The following LYG2 variants were observed in gnomAD, a reference collection of about 807,000 sequenced individuals.
LYG2 encodes the protein lysozyme g-like protein 2.
In LYG2, 25 loss-of-function variants were observed where a neutral mutation model predicts 22.4. The observed-to-expected ratio is 1.12, with a 90% CI of 0.81 to 1.56. LYG2 has a LOEUF of 1.56. LYG2 is among the 40% of genes most tolerant of loss of function. LYG2 has a pLI of 0.00. For synonymous variants in LYG2, 88 were observed against 97.0 expected, an observed-to-expected ratio of 0.91 and a Z score of 0.55; for missense variants, 266 against 269.5, an observed-to-expected ratio of 0.99 and a Z score of 0.09.
chr2:99,256,275 C>T (rs1032426167), upstream of LYG2, among the ~76,000 whole-genome samples: 4 of 152,180 alleles, frequency 2.6e-5, no homozygotes, highest in Non-Finnish European at 5.9e-5. Context: ...TCTGGCATGG[C>T]CTCTAGCCTT....
chr2:99,251,355 A>C (rs976175881), intron 3 of LYG2, among the ~76,000 whole-genome samples: 1 of 152,204 alleles, frequency 6.6e-6, no homozygotes, highest in Non-Finnish European at 1.5e-5. Context: ...CTACATAGGA[A>C]TCCATCCTGT....
At chr2:99,248,471 C>T (rs1167823410) in intron 3 of LYG2, among the ~76,000 whole-genome samples, 1 of 151,568 alleles carries the variant, frequency 6.6e-6, no homozygotes, top group African/African-American at 2.4e-5. Context: ...TCTCAGTAAA[C>T]TATCACCAAG....
chr2:99,243,491 C>CAGATGAT (rs1553520445), intron 6 of LYG2: 2 of 1,301,952 alleles, frequency 1.5e-6, no homozygotes, highest in East Asian at 5.3e-5. Flanking sequence ...GGTAGGCAAA[C>CAGATGAT]AGATAGATAG....
At chr2:99,260,658 A>C (rs1023126875), upstream of LYG2, among the ~76,000 whole-genome samples, 12 of 152,236 alleles carry the variant, frequency 7.9e-5, no homozygotes, top group Non-Finnish European at 1.5e-4. Context: ...TGACTTGAAT[A>C]TAATCAAATG....
chr2:99,248,785 AAAAC>A (rs917001047), intron 3 of LYG2, among the ~76,000 whole-genome samples: 4 of 151,496 alleles, frequency 2.6e-5, no homozygotes, highest in Non-Finnish European at 4.4e-5. Context: ...AAATTCAAAA[AAAAC>A]CAATTTGCCT....
intron 1 of LYG2, 107 bp from the exon 2 acceptor site, chr2:99,255,244 G>A (rs140760016): frequency 2.9e-4 from 44 of 152,316 alleles, no homozygotes; most frequent in African/African-American, 1.0e-3. Flanking sequence ...TTAAACACCA[G>A]CATGAAGACT....
chr2:99,251,462 ATAAG>A (rs1252721890), intron 3 of LYG2, among the ~76,000 whole-genome samples: 4 of 152,220 alleles, frequency 2.6e-5, no homozygotes, highest in Non-Finnish European at 4.4e-5. Context: ...TTGTATGTAA[ATAAG>A]TAATAATGCT....
At chr2:99,244,284 T>C in intron 5 of LYG2, 147 bp from the exon 6 acceptor site, 2 of 784,918 alleles carry the variant, frequency 2.5e-6, no homozygotes, top group Non-Finnish European at 2.0e-6. Flanking sequence ...TTCATATAGA[T>C]GAGAGTCAGA....
upstream of LYG2, among the ~76,000 whole-genome samples, chr2:99,259,631 GT>G (rs1224539067): frequency 1.3e-5 from 2 of 152,094 alleles, no homozygotes; most frequent in Non-Finnish European, 2.9e-5. Flanking sequence ...AGTACCAAGA[GT>G]TCTCATGTAC....
Position 99,249,828 on chromosome 2 carries a change from A to G in LYG2, c.44-3008T>C, listed in dbSNP as rs1469237344. Among the ~76,000 whole-genome samples the G allele has an allele frequency of 3.3e-5, 5 of 149,888 alleles. No homozygotes were observed. The East Asian group carries it at 9.8e-4, about 29-fold the overall frequency. ...CCACCTCTGCTTCTGCCATAGTCCC[A>G]GCCAGCATCATTGCTCATCTGGACT... On this transcript the variant is annotated intron_variant, in intron 3 of 6. Coordinates refer to ENST00000333017, the MANE Select transcript of LYG2 (RefSeq NM_175735.4).
At chr2:99,244,224 T>A in intron 5 of LYG2, 87 bp from the exon 6 acceptor site, 3 of 1,331,456 alleles carry the variant, frequency 2.3e-6, no homozygotes, top group Non-Finnish European at 3.1e-6. Flanking sequence ...GGTATTCAAG[T>A]CATAGATACC....
chr2:99,245,746 C>G (rs899290603), intron 4 of LYG2, among the ~76,000 whole-genome samples: 1 of 152,056 alleles, frequency 6.6e-6, no homozygotes, highest in African/African-American at 2.4e-5. Flanking sequence ...TTGGGACAAC[C>G]ATTCTAAGAC....
chr2:99,258,971 A>C (rs185087794), upstream of LYG2, among the ~76,000 whole-genome samples: 56 of 152,362 alleles, frequency 3.7e-4, no homozygotes, highest in African/African-American at 1.3e-3. Flanking sequence ...ATCTTTACAC[A>C]TCAGGGAAAT....
intron 6 of LYG2, chr2:99,243,514 ATAG>A: frequency 6.6e-7 from 1 of 1,511,860 alleles, no homozygotes; most frequent in Middle Eastern, 1.8e-4. Context: ...AGATAGATAG[ATAG>A]ATAGATAGAT....
intron 3 of LYG2, among the ~76,000 whole-genome samples, chr2:99,252,760 C>T (rs977357439): frequency 3.0e-4 from 45 of 152,144 alleles, no homozygotes; most frequent in Admixed American, 1.2e-3. Context: ...AAATGCTTAT[C>T]ACTGGGCCGG....
At chr2:99,252,404 T>G (rs1281868698) in intron 3 of LYG2, among the ~76,000 whole-genome samples, 1 of 152,094 alleles carries the variant, frequency 6.6e-6, no homozygotes, top group African/African-American at 2.4e-5. Flanking sequence ...CCTCTCACTC[T>G]TTCCCTCTCT....
At position 99,244,505 on chromosome 2, in the gene LYG2, G is replaced by A. The variant is rs137927805; in HGVS notation, c.382-368C>T. ...GTATTTCTACAGACAATTTAAAATCGAGCCTGGAAGCAAATATCCAGATAA... is the reference window on the plus strand; with the variant it reads ...GTATTTCTACAGACAATTTAAAATCAAGCCTGGAAGCAAATATCCAGATAA... On this transcript the variant is annotated intron_variant, in intron 5 of 6. Transcript: ENST00000333017. Among the ~76,000 whole-genome samples the A allele has an allele frequency of 4.1e-4, 62 of 152,168 alleles. No individual in the cohort carries two copies. The East Asian group carries it at 0.011, about 27-fold the overall frequency.
chr2:99,258,013 T>G (rs1457278583), upstream of LYG2, among the ~76,000 whole-genome samples: 1 of 152,180 alleles, frequency 6.6e-6, no homozygotes, highest in African/African-American at 2.4e-5. Context: ...TTAGCACTTT[T>G]GGGAGTTAAA....
At chr2:99,247,658 C>T (rs1018533158) in intron 3 of LYG2, among the ~76,000 whole-genome samples, 1 of 152,076 alleles carries the variant, frequency 6.6e-6, no homozygotes, top group Non-Finnish European at 1.5e-5. Context: ...TAAAACATTT[C>T]TGACACAAAT....
Sources: gnomAD v4.1 joint callset for allele counts (sites outside exome capture counted in the v4.1 genomes callset) on GRCh38, gnomAD v4.1.1 for gene constraint, MANE v1.5 for transcripts, NCBI Gene and HGNC (gene_info 2026-07-23, HGNC 2026-07-21) for gene names.